ZNF488: variants seen among roughly 807,000 people sequenced by gnomAD.
ZNF488 encodes the protein zinc finger protein 488.
In ZNF488, 1 loss-of-function variant was observed where a neutral mutation model predicts 1.2. The ratio of observed to expected loss-of-function variants is 0.86; its 90% CI spans 0.30 to 4.07. The LOEUF is 4.07. Ranked by LOEUF, ZNF488 falls within the 30% of genes most tolerant of loss-of-function variation. The pLI is 0.18. For missense variants in ZNF488, 450 were observed against 437.9 expected, an observed-to-expected ratio of 1.03 and a Z score of -0.25; for synonymous variants, 185 against 190.1, an observed-to-expected ratio of 0.97 and a Z score of 0.22.
At position 47,366,011 on chromosome 10, in the gene ZNF488, G is replaced by A. The variant is rs1190182811; in HGVS notation, c.*1796C>T. ...GGGAAGTGTCAGAAACACTGGAAGTGTTATAGCATCATCTGCAATTGACTC... is the reference window on the plus strand; with the variant it reads ...GGGAAGTGTCAGAAACACTGGAAGTATTATAGCATCATCTGCAATTGACTC... On this transcript the variant is annotated 3_prime_UTR_variant, in exon 2 of 2. Coordinates refer to ENST00000585316, the MANE Select transcript of ZNF488 (RefSeq NM_153034.4). 6.0e-6 allele frequency: 1 copy of A among 167,106 alleles called. No homozygotes were observed. Among genetic ancestry groups the A allele is most frequent in the East Asian group, 1.9e-4 (1 of 5,202 alleles). 10.4% of individuals were successfully genotyped at this position (167,106 alleles called of 1,614,324 possible). A position where few individuals can be genotyped will look rare whatever the true frequency, so the allele number is the denominator to read the frequency against.
intron 1 of ZNF488, among the ~76,000 whole-genome samples, chr10:47,378,388 G>C (rs1165031689): frequency 6.6e-6 from 1 of 152,220 alleles, no homozygotes; most frequent in Admixed American, 6.5e-5. Flanking sequence ...CTGGAAACTA[G>C]AACTCAAGCT....
rs144449759 is a variant in ZNF488, at chr10:47,370,677, G to C, written c.-108-1740C>G. ...GTAAATGCGTAACTCCAGAGACATG[G>C]TGAACAAAGCAGGATGCATACGCAA... On this transcript the variant is annotated intron_variant, in intron 1 of 1. Transcript: ENST00000585316. Among the ~76,000 whole-genome samples, 28 of 152,356 alleles carry C rather than the reference G, an allele frequency of 1.8e-4. 1 individual carries two copies. In the East Asian group the frequency reaches 5.0e-3, roughly 27 times the overall value.
chr10:47,368,521 C>T lies in ZNF488; in HGVS notation c.309G>A (p.Thr103=), dbSNP rs376864541. The T allele has an allele frequency of 3.1e-5, 50 of 1,613,542 alleles. 1 individual carries two copies. The highest frequency in any genetic ancestry group is 1.7e-4 in the Admixed American group (10 of 59,990). Residue 103 remains threonine (T), a synonymous_variant, in exon 2 of 2, where the codon ACG becomes ACA. Coordinates refer to ENST00000585316, the MANE Select transcript of ZNF488 (RefSeq NM_153034.4). ...GCCGGTCCTTCATCCTCGGCAGCTC[C>T]GTGAAGGCGCTCTGCCTCTGCTCTC... ...TRGEQRQSAF[T]ELPRMKDRQV... is the part of the protein sequence containing the mutation.
Position 47,368,056 on chromosome 10 carries a change from C to T in ZNF488, c.774G>A (p.Ser258=), listed in dbSNP as rs782486097. Residue 258 remains serine (S), a synonymous_variant, in exon 2 of 2, where the codon TCG becomes TCA. Coordinates refer to ENST00000585316, the MANE Select transcript of ZNF488 (RefSeq NM_153034.4). ...VPPPSSSSTT[S]WALLPPTLTS... is the part of the protein sequence containing the mutation. ...TGAGGGTGGGTGGCAGGAGGGCCCA[C>T]GAAGTGGTGGAGGATGATGAGGGTG... 36 of 1,613,804 alleles carry T rather than the reference C, an allele frequency of 2.2e-5. No homozygotes were observed. The highest frequency in any genetic ancestry group is 2.7e-5 in the Non-Finnish European group (32 of 1,179,962).
In ZNF488 at chr10:47,368,285, G is replaced by A. The variant is rs1398936965; in HGVS notation, c.545C>T (p.Ala182Val). 2 of 1,614,114 alleles carry A rather than the reference G, an allele frequency of 1.2e-6. No individual in the cohort carries two copies. Among genetic ancestry groups the A allele is most frequent in the East Asian group, 4.5e-5 (2 of 44,884 alleles). Residue 182 changes from alanine to valine, a missense_variant, in exon 2 of 2, where the codon GCA (alanine) becomes GTA (valine). By Grantham distance (64) the Ala-to-Val change is moderately conservative. Transcript: ENST00000585316. ...ERPELTSVFPAGESADALGEL... is the reference protein window; with the variant it reads ...ERPELTSVFPVGESADALGEL... The stretch of plus-strand genomic sequence containing the variant: ...CCCCAGGGCATCTGCAGATTCCCCT[G>A]CAGGGAAGACTGAGGTTAGCTCAGG...
At chr10:47,377,317 A>C (rs1010124816) in intron 1 of ZNF488, among the ~76,000 whole-genome samples, 4 of 152,254 alleles carry the variant, frequency 2.6e-5, no homozygotes, top group African/African-American at 9.6e-5. Flanking sequence ...GAACTCTCTG[A>C]ATAGCTCAAT....
intron 1 of ZNF488, among the ~76,000 whole-genome samples, chr10:47,370,087 T>C (rs1341383576): frequency 6.6e-6 from 1 of 152,082 alleles, no homozygotes; most frequent in Non-Finnish European, 1.5e-5. Flanking sequence ...GAGGAGAATG[T>C]GAGCCCTCCA....
chr10:47,378,426 G>A (rs1182388963), intron 1 of ZNF488, among the ~76,000 whole-genome samples: 1 of 152,206 alleles, frequency 6.6e-6, no homozygotes, highest in Non-Finnish European at 1.5e-5. Flanking sequence ...ACTGGTGAGA[G>A]GTACTGGCAG....
At position 47,374,834 on chromosome 10, in the gene ZNF488, A is replaced by T. The variant is rs77673183; in HGVS notation, c.-108-5897T>A. Among the ~76,000 whole-genome samples the T allele has an allele frequency of 5.1e-3, 772 of 152,318 alleles. 9 individuals are homozygous for T. Among genetic ancestry groups the T allele is most frequent in the African/African-American group, 0.017 (712 of 41,566 alleles). Reference sequence around the variant, plus strand: ...ACTTCAGCTCATGGGACTCGACTGCACATCCGGGGCTGGGTGATGTATCTG... The same window carrying T: ...ACTTCAGCTCATGGGACTCGACTGCTCATCCGGGGCTGGGTGATGTATCTG... On this transcript the variant is annotated intron_variant, in intron 1 of 1. Transcript: ENST00000585316.
rs1368296205 is a variant in ZNF488 at position 47,366,525 on chromosome 10, T to C, written c.*1282A>G. 2.4e-5 allele frequency: 4 copies of C among 167,044 alleles called. No individual in the cohort carries two copies. The highest frequency in any genetic ancestry group is 9.7e-5 in the African/African-American group (4 of 41,412). 10.3% of individuals were successfully genotyped at this position (167,044 alleles called of 1,614,324 possible). A position where few individuals can be genotyped will look rare whatever the true frequency, so the allele number is the denominator to read the frequency against. On this transcript the variant is annotated 3_prime_UTR_variant, in exon 2 of 2. Coordinates refer to ENST00000585316, the MANE Select transcript of ZNF488 (RefSeq NM_153034.4). ...ACTCATTGGAGGGCTGGAAACTGCA[T>C]ATCAAAAGAACAATATCTGACAGTG...
In ZNF488 at chr10:47,377,014, C is replaced by T. The variant is rs577488444; in HGVS notation, c.-109+7206G>A. Among the ~76,000 whole-genome samples, 4 of 152,350 alleles carry T rather than the reference C, an allele frequency of 2.6e-5. No homozygotes were observed. In the South Asian group the frequency reaches 8.3e-4, roughly 32 times the overall value. On this transcript the variant is annotated intron_variant, in intron 1 of 1. Coordinates refer to ENST00000585316, the MANE Select transcript of ZNF488 (RefSeq NM_153034.4). ...TGCAGAGACCACCTTCAGCAGCCTGCCTGGCCATAGTCAGTGTTGCCGCTA... is the reference window on the plus strand; with the variant it reads ...TGCAGAGACCACCTTCAGCAGCCTGTCTGGCCATAGTCAGTGTTGCCGCTA...
intron 1 of ZNF488, among the ~76,000 whole-genome samples, chr10:47,383,807 G>A (rs1175084688): frequency 6.6e-6 from 1 of 152,140 alleles, no homozygotes; most frequent in Non-Finnish European, 1.5e-5. Flanking sequence ...CAGTGGGAGG[G>A]AGGAAAACAA....
intron 1 of ZNF488, among the ~76,000 whole-genome samples, chr10:47,377,671 T>TCACACACACACACACA (rs55901237): frequency 2.9e-4 from 30 of 105,032 alleles, no homozygotes; most frequent in African/African-American, 6.5e-4. Context: ...GCAATAACAA[T>TCACACACACACACACA]CACACACACA....
chr10:47,383,723 A>G (rs534442370), intron 1 of ZNF488, among the ~76,000 whole-genome samples: 1 of 152,322 alleles, frequency 6.6e-6, no homozygotes, highest in East Asian at 1.9e-4. Flanking sequence ...GGGCTGATGC[A>G]TGGTTCTTAC....
Position 47,384,263 on chromosome 10 carries a change from C to G in ZNF488, c.-152G>C, listed in dbSNP as rs562361209. 1 of 152,302 alleles carries G rather than the reference C, an allele frequency of 6.6e-6. No homozygotes were observed. Among genetic ancestry groups the G allele is most frequent in the Non-Finnish European group, 1.5e-5 (1 of 68,130 alleles). The allele number at this position is 152,302 out of a possible 1,614,324, so 9.4% of individuals were successfully genotyped here. On this transcript the variant is annotated 5_prime_UTR_variant, in exon 1 of 2. Transcript: ENST00000585316. ...TGGAGCAAGAGGTGCTGGTGCAGCA[C>G]AGCCTCCTCCCGGCCAAGAGCACTG...
chr10:47,374,472 A>G (rs1837600052), intron 1 of ZNF488, among the ~76,000 whole-genome samples: 1 of 152,234 alleles, frequency 6.6e-6, no homozygotes, highest in South Asian at 2.1e-4. Flanking sequence ...TTGACACTCC[A>G]CAGTGATTTC....
At chr10:47,380,869 G>A (rs1555215234) in intron 1 of ZNF488, among the ~76,000 whole-genome samples, 1 of 30,836 alleles carries the variant, frequency 3.2e-5, no homozygotes, top group Non-Finnish European at 6.8e-5. Flanking sequence ...TCACTGGGTT[G>A]TGGGAAAGAT....
chr10:47,370,863 C>T (rs1837442155), intron 1 of ZNF488, among the ~76,000 whole-genome samples: 1 of 152,206 alleles, frequency 6.6e-6, no homozygotes, highest in Admixed American at 6.5e-5. Context: ...GGAGGAAACA[C>T]AGAAAATGAC....
intron 1 of ZNF488, among the ~76,000 whole-genome samples, chr10:47,369,286 C>A (rs1274184229): frequency 6.6e-6 from 1 of 152,066 alleles, no homozygotes; most frequent in Non-Finnish European, 1.5e-5. Context: ...AAAGAGCCTG[C>A]TCTGGGGGCT....
Sources: allele counts gnomAD v4.1 joint callset (sites outside exome capture counted in the v4.1 genomes callset), GRCh38; gene constraint gnomAD v4.1.1; transcripts MANE v1.5; gene names NCBI Gene and HGNC (gene_info 2026-07-23, HGNC 2026-07-21).